Variants in LSAMP observed in about 807,000 individuals in gnomAD.
LSAMP encodes the protein limbic system associated membrane protein.
LSAMP carries 7 observed loss-of-function variants against 38.6 expected under a neutral mutation model. The observed-to-expected ratio is 0.18, with a 90% CI of 0.10 to 0.34. The LOEUF is 0.34. Among genes scored for constraint, LSAMP ranks in the 10% least tolerant of loss-of-function variants. LSAMP has a pLI of 1.00. For missense variants in LSAMP, 313 were observed against 420.0 expected, an observed-to-expected ratio of 0.75 and a Z score of 2.23; for synonymous variants, 154 against 166.8, an observed-to-expected ratio of 0.92 and a Z score of 0.59.
At chr3:116,098,359 C>T (rs763983221) in intron 1 of LSAMP, among the ~76,000 whole-genome samples, 2 of 151,964 alleles carry the variant, frequency 1.3e-5, no homozygotes, top group African/African-American at 4.8e-5. Flanking sequence ...ATTAGCCGGG[C>T]GTGGTGGCGC....
intron 1 of LSAMP, among the ~76,000 whole-genome samples, chr3:116,242,287 C>T (rs1183370469): frequency 6.6e-6 from 1 of 152,154 alleles, no homozygotes; most frequent in Non-Finnish European, 1.5e-5. Flanking sequence ...TAATAAGCAG[C>T]CTCTTTTAAT....
chr3:115,828,759 A>G (rs376974330), intron 6 of LSAMP, among the ~76,000 whole-genome samples: 4 of 152,324 alleles, frequency 2.6e-5, no homozygotes, highest in Admixed American at 6.5e-5. Context: ...TTTTTTTTCT[A>G]TAAAGCTCAT....
At chr3:115,865,864 G>T (rs1553742492) in intron 3 of LSAMP, among the ~76,000 whole-genome samples, 1 of 152,150 alleles carries the variant, frequency 6.6e-6, no homozygotes, top group Non-Finnish European at 1.5e-5. Context: ...CGGGATCAGG[G>T]ATCAATCCAG....
intron 1 of LSAMP, among the ~76,000 whole-genome samples, chr3:116,279,233 C>A (rs1180026214): frequency 2.0e-5 from 3 of 152,148 alleles, no homozygotes; most frequent in African/African-American, 7.2e-5. Context: ...ATACATATCA[C>A]TTCTTAATAA....
chr3:116,201,422 A>G (rs2045984693), intron 1 of LSAMP, among the ~76,000 whole-genome samples: 2 of 152,116 alleles, frequency 1.3e-5, no homozygotes, highest in South Asian at 2.1e-4. Context: ...AATTAAATTG[A>G]TATCTCTTTG....
At chr3:116,436,575 C>A (rs1189562261) in intron 1 of LSAMP, among the ~76,000 whole-genome samples, 3 of 152,054 alleles carry the variant, frequency 2.0e-5, no homozygotes, top group African/African-American at 7.2e-5. Flanking sequence ...AAATGGCCAA[C>A]AAACATATGA....
Position 115,804,348 on chromosome 3 carries a change from A to G in LSAMP, c.*5969T>C, listed in dbSNP as rs1933582154. On this transcript the variant is annotated 3_prime_UTR_variant, in exon 7 of 7. Coordinates refer to ENST00000490035, the MANE Select transcript of LSAMP (RefSeq NM_002338.5). The stretch of plus-strand genomic sequence containing the variant: ...TTTAGAGACGTCAGCCGAATCCCTC[A>G]CTTTCAGGATGAGAAAACCAAGACT... The G allele has an allele frequency of 6.6e-6, 1 of 152,238 alleles. No homozygotes were observed. Among genetic ancestry groups the G allele is most frequent in the Non-Finnish European group, 1.5e-5 (1 of 68,036 alleles). The allele number at this position is 152,238 out of a possible 1,614,324, so 9.4% of individuals were successfully genotyped here.
intron 1 of LSAMP, among the ~76,000 whole-genome samples, chr3:116,429,934 A>G (rs2049258538): frequency 6.6e-6 from 1 of 152,220 alleles, no homozygotes; most frequent in Non-Finnish European, 1.5e-5. Flanking sequence ...TGGTAGCAAA[A>G]TGTTCAGTTA....
intron 1 of LSAMP, among the ~76,000 whole-genome samples, chr3:116,264,739 C>T (rs559849596): frequency 6.6e-6 from 1 of 152,196 alleles, no homozygotes; most frequent in South Asian, 2.1e-4. Flanking sequence ...GTAGCTGGGA[C>T]TAATGGTGCA....
intron 1 of LSAMP, among the ~76,000 whole-genome samples, chr3:116,366,944 G>A (rs1681011108): frequency 6.6e-6 from 1 of 152,114 alleles, no homozygotes; most frequent in Non-Finnish European, 1.5e-5. Flanking sequence ...GGTAGGGAAG[G>A]GTGGATTTAT....
chr3:115,831,488 C>T (rs982798149), intron 6 of LSAMP, among the ~76,000 whole-genome samples: 3 of 152,138 alleles, frequency 2.0e-5, no homozygotes, highest in East Asian at 1.9e-4. Flanking sequence ...TCTGAACCTA[C>T]GGTCCTCAAT....
In LSAMP at chr3:116,276,674, T is replaced by TAAAA. The variant is rs559344326; in HGVS notation, c.155+168199_155+168202dup. Among the ~76,000 whole-genome samples, 6 of 81,986 alleles carry TAAAA rather than the reference T, an allele frequency of 7.3e-5. No homozygotes were observed. The East Asian group carries it at 2.1e-3, about 29-fold the overall frequency. The allele number at this position is 81,986 out of a possible 152,430, so 53.8% of individuals were successfully genotyped here. On this transcript the variant is annotated intron_variant, in intron 1 of 6. Coordinates refer to ENST00000490035, the MANE Select transcript of LSAMP (RefSeq NM_002338.5). Reference sequence around the variant, plus strand: ...TGTACCCCAATAACCTATGGAAAAATAAAAAAAAAGAAAAAAAAAAAAAGA... The same window carrying TAAAA: ...TGTACCCCAATAACCTATGGAAAAATAAAAAAAAAAAAAGAAAAAAAAAAAAAGA...
intron 3 of LSAMP, among the ~76,000 whole-genome samples, chr3:115,891,078 T>G (rs1382892603): frequency 2.0e-5 from 3 of 151,976 alleles, no homozygotes; most frequent in African/African-American, 7.2e-5. Context: ...CTCACTCAAC[T>G]GTAGCTTACC....
At chr3:115,866,346 C>T (rs1396595394) in intron 3 of LSAMP, among the ~76,000 whole-genome samples, 2 of 152,154 alleles carry the variant, frequency 1.3e-5, no homozygotes, top group Admixed American at 6.5e-5. Flanking sequence ...TTACCCTTTT[C>T]TTTCCTCTCC....
chr3:116,308,053 A>C (rs2047506794), intron 1 of LSAMP, among the ~76,000 whole-genome samples: 1 of 151,970 alleles, frequency 6.6e-6, no homozygotes, highest in Non-Finnish European at 1.5e-5. Context: ...AAGCACAATA[A>C]ATGGTACTAT....
Position 116,296,608 on chromosome 3 carries a change from T to C in LSAMP, c.155+148269A>G, listed in dbSNP as rs532757349. On this transcript the variant is annotated intron_variant, in intron 1 of 6. Transcript: ENST00000490035. The stretch of plus-strand genomic sequence containing the variant: ...TACTCGGGAGGCTGAGGCCAGAGAA[T>C]GGCGTTAACCCGGGAGGCAGAGCTT... Among the ~76,000 whole-genome samples the C allele has an allele frequency of 2.2e-5, 3 of 137,902 alleles. No homozygotes were observed. In the South Asian group the frequency reaches 6.6e-4, roughly 30 times the overall value. 90.5% of individuals were successfully genotyped at this position (137,902 alleles called of 152,430 possible). A position where few individuals can be genotyped will look rare whatever the true frequency, so the allele number is the denominator to read the frequency against.
At chr3:116,340,839 C>T (rs1051360579) in intron 1 of LSAMP, among the ~76,000 whole-genome samples, 14 of 152,086 alleles carry the variant, frequency 9.2e-5, no homozygotes, top group African/African-American at 3.1e-4. Flanking sequence ...TCTACTTCTC[C>T]GTGTCTAGAC....
At chr3:116,038,008 T>C (rs561750718) in intron 2 of LSAMP, among the ~76,000 whole-genome samples, 1 of 152,056 alleles carries the variant, frequency 6.6e-6, no homozygotes, top group East Asian at 1.9e-4. Flanking sequence ...ATAAAAGATA[T>C]GAGTGTGATC....
chr3:115,868,561 C>A (rs1158947085), intron 3 of LSAMP, among the ~76,000 whole-genome samples: 1 of 152,026 alleles, frequency 6.6e-6, no homozygotes, highest in African/African-American at 2.4e-5. Flanking sequence ...TTTTCAGGAA[C>A]ATGGAATTTT....
Sources: gnomAD v4.1 joint callset for allele counts (sites outside exome capture counted in the v4.1 genomes callset) on GRCh38, gnomAD v4.1.1 for gene constraint, MANE v1.5 for transcripts, NCBI Gene and HGNC (gene_info 2026-07-23, HGNC 2026-07-21) for gene names.